Variants in TRMT1 observed in about 807,000 individuals in gnomAD.
The protein encoded by TRMT1 is tRNA methyltransferase 1, also known as tRNA (guanine(26)-N(2))-dimethyltransferase.
A neutral mutation model predicts 75.4 loss-of-function variants in TRMT1; 63 were observed. The ratio of observed to expected loss-of-function variants is 0.84; its 90% CI spans 0.68 to 1.03. The LOEUF (loss-of-function observed/expected upper bound fraction) is 1.03, where lower values mean the gene tolerates loss of function less well. Among genes scored for constraint, TRMT1 ranks in the 50% least tolerant of loss-of-function variants. The pLI is 0.00. For synonymous variants in TRMT1, 382 were observed against 358.1 expected (o/e 1.07, Z -0.75); for missense variants, 870 against 905.3 (o/e 0.96, Z 0.50).
At position 13,113,003 on chromosome 19, in the gene TRMT1, A is replaced by C; in HGVS notation, c.650T>G (p.Met217Arg). ...CTCCGACACCCTCTGGTGCTGGTAC[A>C]TCAGCATCCTGGGTGCAAAGAGGGC... Reference protein sequence around the residue: ...QPSQADARMLMYQHQRVSERF... With the variant: ...QPSQADARMLRYQHQRVSERF... Residue 217 changes from methionine (M) to arginine (R), a missense_variant, in exon 6 of 17, where the codon ATG becomes AGG. By Grantham distance (91) the Met-to-Arg change is moderately conservative (BLOSUM62 -1). Coordinates refer to ENST00000357720, the MANE Select transcript of TRMT1 (RefSeq NM_001136035.4). 6.2e-7 allele frequency: 1 copy of C among 1,610,226 alleles called. No individual in the cohort carries two copies. Among genetic ancestry groups the C allele is most frequent in the Non-Finnish European group, 8.5e-7 (1 of 1,178,064 alleles).
chr19:13,106,586 C>T (rs2018879246), intron 14 of TRMT1, among the ~76,000 whole-genome samples: 1 of 151,782 alleles, frequency 6.6e-6, no homozygotes, highest in Non-Finnish European at 1.5e-5. Flanking sequence ...AGCGATTCAC[C>T]TGCCTCAGCC....
At chr19:13,109,240 A>G in intron 12 of TRMT1, 141 bp downstream of exon 12, 1 of 979,402 alleles carries the variant, frequency 1.0e-6, no homozygotes, top group Non-Finnish European at 1.5e-6. Flanking sequence ...TCAGCCTCCC[A>G]AGGTACTGGG....
In TRMT1 at chr19:13,116,195, C is replaced by T; in HGVS notation, c.205G>A (p.Ala69Thr). The T allele has an allele frequency of 6.2e-7, 1 of 1,614,176 alleles. No homozygotes were observed. The highest frequency in any genetic ancestry group is 2.2e-5 in the East Asian group (1 of 44,886). Residue 69 changes from alanine (A) to threonine (T), a missense_variant, in exon 2 of 17, where the codon GCC (alanine) becomes ACC (threonine). Transcript: ENST00000357720. ...EGAAKIAFPS[A>T]NEVFYNPVQE... The stretch of plus-strand genomic sequence containing the variant: ...ACCGGGTTATAAAAGACCTCGTTGG[C>T]ACTGGGAAAGGCGATTTTGGCAGCC...
intron 5 of TRMT1, 28 bp downstream of exon 5, chr19:13,115,251 G>A (rs2019291980): frequency 6.3e-7 from 1 of 1,589,480 alleles, no homozygotes; most frequent in Non-Finnish European, 8.6e-7. Context: ...GCTTGTCCCA[G>A]AGCTAGGCTG....
chr19:13,115,623 C>A lies in TRMT1; in HGVS notation c.453+3G>T, dbSNP rs1292753180. 1 of 1,613,588 alleles carries A rather than the reference C, an allele frequency of 6.2e-7. No individual in the cohort carries two copies. The highest frequency in any genetic ancestry group is 2.2e-5 in the East Asian group (1 of 44,874). On this transcript the variant is annotated splice_donor_region_variant and intron_variant, in intron 4 of 16. Coordinates refer to ENST00000357720, the MANE Select transcript of TRMT1 (RefSeq NM_001136035.4). The stretch of plus-strand genomic sequence containing the variant: ...GCTGCCAGCTCCTATGCTCAGGCCC[C>A]ACCTCACAGATCTCCCCCACGGCCG...
At chr19:13,108,116 G>A (rs576514168) in intron 12 of TRMT1, among the ~76,000 whole-genome samples, 3 of 145,350 alleles carry the variant, frequency 2.1e-5, no homozygotes, top group Admixed American at 7.1e-5. Context: ...TCAGCCTCCC[G>A]AATAGCTGGG....
Position 13,116,019 on chromosome 19 carries a change from C to T in TRMT1, c.288G>A (p.Gln96=), listed in dbSNP as rs2019335718. The change falls in exon 3 of 17, where the codon CAG becomes CAA. Residue 96 remains glutamine, a synonymous_variant. Transcript: ENST00000357720. ...CAVITEFARI[Q]LGAKGIQIKV... is the part of the protein sequence containing the mutation. The stretch of plus-strand genomic sequence containing the variant: ...CACTCTGGATTCCTTTGGCCCCAAG[C>T]TGAATGCGAGCAAACTCGGTGATCA... 1 of 1,614,018 alleles carries T rather than the reference C, an allele frequency of 6.2e-7. No individual in the cohort carries two copies. The highest frequency in any genetic ancestry group is 8.5e-7 in the Non-Finnish European group (1 of 1,180,002).
intron 5 of TRMT1, among the ~76,000 whole-genome samples, chr19:13,113,561 G>A (rs1382864755): frequency 1.3e-5 from 2 of 152,062 alleles, no homozygotes; most frequent in Middle Eastern, 3.4e-3. Flanking sequence ...GATATAAGAC[G>A]TATCTGCCTG....
rs747124149 is a variant in TRMT1, at chr19:13,112,969, G to A, written c.684C>T (p.Asp228=). The change falls in exon 6 of 17, where the codon GAC becomes GAT. Residue 228 remains aspartate (D), a synonymous_variant. Coordinates refer to ENST00000357720, the MANE Select transcript of TRMT1 (RefSeq NM_001136035.4). The part of the protein sequence containing the change: ...YQHQRVSERF[D]VIDLDPYGSP... ...TGCCATAGGGGTCCAGATCGATGACGTCAAACCTCTCCGACACCCTCTGGT... is the reference window on the plus strand; with the variant it reads ...TGCCATAGGGGTCCAGATCGATGACATCAAACCTCTCCGACACCCTCTGGT... The A allele has an allele frequency of 1.1e-5, 17 of 1,613,764 alleles. No homozygotes were observed. In the Admixed American group the frequency reaches 1.5e-4, roughly 14 times the overall value.
At chr19:13,111,382 ATTTTT>A (rs201288485) in intron 7 of TRMT1, among the ~76,000 whole-genome samples, 1 of 130,460 alleles carries the variant, frequency 7.7e-6, no homozygotes. Context: ...GGGTCAGACC[ATTTTT>A]TTTTTTTTTT....
Position 13,107,856 on chromosome 19 carries a change from C to T in TRMT1, c.1401G>A (p.Ser467=), listed in dbSNP as rs1360635319. The stretch of plus-strand genomic sequence containing the variant: ...CCCGGAAGTCAGCGTGGAGGAGGGC[C>T]GACCTGGGGAACAGCAGGGATTATG... The part of the protein sequence containing the change: ...CNTPSLLQLR[S]ALLHADFRVS... Residue 467 remains serine (S), a synonymous_variant, in exon 13 of 17, where the codon TCG becomes TCA. Transcript: ENST00000357720. 10 of 1,551,356 alleles carry T rather than the reference C, an allele frequency of 6.4e-6. No individual in the cohort carries two copies. The highest frequency in any genetic ancestry group is 2.4e-5 in the East Asian group (1 of 40,930).
intron 5 of TRMT1, among the ~76,000 whole-genome samples, chr19:13,114,259 C>T (rs1000109060): frequency 2.0e-5 from 3 of 152,182 alleles, no homozygotes; most frequent in Admixed American, 1.3e-4. Context: ...CAGTGGCTCA[C>T]GTCTGTAATC....
intron 5 of TRMT1, among the ~76,000 whole-genome samples, chr19:13,114,592 G>A (rs1212583241): frequency 2.0e-5 from 3 of 152,194 alleles, no homozygotes; most frequent in African/African-American, 7.2e-5. Context: ...AACCTGGGAG[G>A]CGGAGGTTGC....
intron 12 of TRMT1, among the ~76,000 whole-genome samples, chr19:13,109,085 G>GGTGT (rs57825932): frequency 7.0e-4 from 103 of 147,360 alleles, no homozygotes; most frequent in Admixed American, 1.2e-3. Context: ...CAGGCTAATG[G>GGTGT]GTGTGTGTGT....
rs1352658393 is a variant in TRMT1, at chr19:13,116,237, T to C, written c.163A>G (p.Thr55Ala). 3.1e-6 allele frequency: 5 copies of C among 1,614,170 alleles called. No homozygotes were observed. In the South Asian group the frequency reaches 3.3e-5, roughly 11 times the overall value. Residue 55 changes from threonine to alanine, a missense_variant, in exon 2 of 17, where the codon ACG (threonine) becomes GCG (alanine). Coordinates refer to ENST00000357720, the MANE Select transcript of TRMT1 (RefSeq NM_001136035.4). ...TTGGCAGCCCCCTCGGTGACTGTCG[T>C]CTCCTGGACTTCACGTGGACGTTCT... ...GEERPREVQE[T>A]TVTEGAAKIA...
chr19:13,107,557 C>T lies in TRMT1; in HGVS notation c.1583+17G>A. The T allele has an allele frequency of 1.3e-6, 2 of 1,592,332 alleles. No individual in the cohort carries two copies. Among genetic ancestry groups the T allele is most frequent in the Non-Finnish European group, 1.7e-6 (2 of 1,167,510 alleles). On this transcript the variant is annotated intron_variant, in intron 14 of 16. Coordinates refer to ENST00000357720, the MANE Select transcript of TRMT1 (RefSeq NM_001136035.4). The stretch of plus-strand genomic sequence containing the variant: ...CTGTGGGCAGCCCTGGCCGCTCCTG[C>T]ATGTGCTTGCCCCTACCTGGGCTCC...
In TRMT1 at chr19:13,110,193, G is replaced by GACACGGACAAAA. The variant is rs2019084902; in HGVS notation, c.972_983dup (p.Val326_Phe329dup). ...CCTTGACCTTGGCCTGGCCGGTGAA[G>GACACGGACAAAA]ACACGGACAAAAACACGCACGTAGA... On this transcript the variant is annotated inframe_insertion, in exon 8 of 17. Coordinates refer to ENST00000357720, the MANE Select transcript of TRMT1 (RefSeq NM_001136035.4). The GACACGGACAAAA allele has an allele frequency of 6.2e-7, 1 of 1,612,352 alleles. No homozygotes were observed. The highest frequency in any genetic ancestry group is 8.5e-7 in the Non-Finnish European group (1 of 1,180,022).
intron 5 of TRMT1, among the ~76,000 whole-genome samples, chr19:13,113,241 C>T (rs905961873): frequency 1.3e-5 from 2 of 151,670 alleles, no homozygotes; most frequent in African/African-American, 4.9e-5. Context: ...TCCCTGCAAC[C>T]TCCGCTTCCC....
intron 5 of TRMT1, among the ~76,000 whole-genome samples, chr19:13,113,474 T>G (rs756268000): frequency 1.9e-4 from 29 of 151,726 alleles, no homozygotes; most frequent in African/African-American, 6.5e-4. Context: ...TGGTCATTTA[T>G]TAAACTGCAC....
Sources: gnomAD v4.1 joint callset for allele counts (sites outside exome capture counted in the v4.1 genomes callset) on GRCh38, gnomAD v4.1.1 for gene constraint, MANE v1.5 for transcripts, NCBI Gene and HGNC (gene_info 2026-07-23, HGNC 2026-07-21) for gene names.